MAPKAP1: variants seen among roughly 807,000 people sequenced by gnomAD.
MAPKAP1 encodes the protein MAPK associated protein 1, also known as target of rapamycin complex 2 subunit MAPKAP1.
MAPKAP1 carries 20 observed loss-of-function variants against 65.7 expected under a neutral mutation model. The observed-to-expected ratio is 0.30, with a 90% confidence interval of 0.21 to 0.44. MAPKAP1 has a LOEUF of 0.44. Ranked by LOEUF, MAPKAP1 falls within the 20% of genes least tolerant of loss-of-function variation. The pLI, the probability that MAPKAP1 is intolerant of heterozygous loss-of-function variation, is 1.00. For missense variants in MAPKAP1, 423 were observed against 648.0 expected (o/e 0.65, Z 3.77); for synonymous variants, 222 against 244.3 (o/e 0.91, Z 0.85).
intron 4 of MAPKAP1, chr9:125,650,588 GTC>G (rs1225535368): frequency 1.3e-5 from 2 of 152,174 alleles, no homozygotes; most frequent in African/African-American, 4.8e-5. Flanking sequence ...CATGGCAAGA[GTC>G]TGCCTTCCTT....
Position 125,586,985 on chromosome 9 carries a change from T to C in MAPKAP1, c.499-1258A>G, listed in dbSNP as rs1033879290. 2.6e-5 allele frequency among the ~76,000 whole-genome samples: 4 copies of C among 152,236 alleles called. No homozygotes were observed. In the East Asian group the frequency reaches 5.8e-4, roughly 22 times the overall value. On this transcript the variant is annotated intron_variant, in intron 4 of 11. Coordinates refer to ENST00000265960, the MANE Select transcript of MAPKAP1 (RefSeq NM_001006617.3). ...CATTAGGAAGTTCTAATGTCTCTAC[T>C]TCAAAAATACATTTCAATGGGGAAC... is the stretch of plus-strand genomic sequence containing the variant.
chr9:125,605,544 G>T (rs1315885325), intron 4 of MAPKAP1, among the ~76,000 whole-genome samples: 2 of 152,124 alleles, frequency 1.3e-5, no homozygotes, highest in African/African-American at 4.8e-5. Flanking sequence ...GCATTCACTG[G>T]TATTACTGCC....
At chr9:125,647,960 A>G (rs1278115362) in intron 4 of MAPKAP1, among the ~76,000 whole-genome samples, 2 of 149,898 alleles carry the variant, frequency 1.3e-5, no homozygotes, top group African/African-American at 4.9e-5. Context: ...TTTACATGTA[A>G]GGAAGTTAAG....
At chr9:125,661,722 T>C (rs951739462) in intron 3 of MAPKAP1, among the ~76,000 whole-genome samples, 1 of 152,186 alleles carries the variant, frequency 6.6e-6, no homozygotes, top group African/African-American at 2.4e-5. Context: ...TTATCTTGCT[T>C]TATGTTTCTG....
chr9:125,468,252 C>T, intron 9 of MAPKAP1, 143 bp from the exon 10 acceptor site: 3 of 760,896 alleles, frequency 3.9e-6, no homozygotes, highest in East Asian at 2.8e-5. Context: ...ATGCCACGGG[C>T]TTCCTGAGAC....
intron 5 of MAPKAP1, among the ~76,000 whole-genome samples, chr9:125,563,212 G>A (rs1310892657): frequency 6.6e-6 from 1 of 152,150 alleles, no homozygotes; most frequent in Non-Finnish European, 1.5e-5. Flanking sequence ...GAAATGGGGA[G>A]AGAAAAGAAA....
At chr9:125,622,501 A>C (rs900786724) in intron 4 of MAPKAP1, among the ~76,000 whole-genome samples, 19 of 152,068 alleles carry the variant, frequency 1.2e-4, no homozygotes, top group Admixed American at 1.2e-3. Context: ...GCTGGAGTGC[A>C]GTGGCGTGAT....
chr9:125,621,696 G>A (rs1321112879), intron 4 of MAPKAP1, among the ~76,000 whole-genome samples: 6 of 152,166 alleles, frequency 3.9e-5, no homozygotes, highest in Non-Finnish European at 8.8e-5. Flanking sequence ...ACTGAAGGCT[G>A]CTTTAGATAT....
chr9:125,601,098 A>T (rs1207541077), intron 4 of MAPKAP1, among the ~76,000 whole-genome samples: 1 of 152,236 alleles, frequency 6.6e-6, no homozygotes, highest in East Asian at 1.9e-4. Flanking sequence ...TTTAATATCA[A>T]CTCTTAAAAT....
At chr9:125,624,464 G>T (rs1239409712) in intron 4 of MAPKAP1, among the ~76,000 whole-genome samples, 4 of 110,644 alleles carry the variant, frequency 3.6e-5, no homozygotes, top group African/African-American at 1.3e-4. Flanking sequence ...CCGGCCAGCC[G>T]CCCCGTCCGG....
At chr9:125,617,233 A>G (rs988922215) in intron 4 of MAPKAP1, among the ~76,000 whole-genome samples, 28 of 152,218 alleles carry the variant, frequency 1.8e-4, no homozygotes, top group African/African-American at 6.3e-4. Flanking sequence ...GATGAGACAG[A>G]AGGATCGCTT....
intron 11 of MAPKAP1, among the ~76,000 whole-genome samples, chr9:125,440,289 G>A (rs1401121963): frequency 2.0e-5 from 3 of 152,236 alleles, no homozygotes; most frequent in Admixed American, 6.5e-5. Flanking sequence ...AGGAAGTCAA[G>A]GCCAATGACA....
intron 4 of MAPKAP1, among the ~76,000 whole-genome samples, chr9:125,631,924 A>G (rs531822055): frequency 1.3e-5 from 2 of 152,260 alleles, no homozygotes; most frequent in South Asian, 4.1e-4. Flanking sequence ...TCCTCTAAGA[A>G]ACTCACCATA....
chr9:125,521,481 A>T (rs1462102793), intron 7 of MAPKAP1: 4 of 1,246,616 alleles, frequency 3.2e-6, no homozygotes, highest in Non-Finnish European at 2.0e-6. Flanking sequence ...TGTGGAAATA[A>T]ACAGTCATTT....
At chr9:125,441,894 G>T (rs537583151) in intron 11 of MAPKAP1, among the ~76,000 whole-genome samples, 4 of 152,104 alleles carry the variant, frequency 2.6e-5, no homozygotes, top group Non-Finnish European at 5.9e-5. Context: ...TTGGGAGGCT[G>T]AGGTGGGCAG....
chr9:125,667,828 G>A (rs1834384686), intron 3 of MAPKAP1, among the ~76,000 whole-genome samples: 2 of 152,172 alleles, frequency 1.3e-5, no homozygotes, highest in Non-Finnish European at 2.9e-5. Flanking sequence ...TGATCAAGAA[G>A]AGATTAATAA....
intron 3 of MAPKAP1, among the ~76,000 whole-genome samples, chr9:125,658,706 C>G (rs1013835677): frequency 2.0e-5 from 3 of 152,106 alleles, no homozygotes; most frequent in African/African-American, 7.2e-5. Flanking sequence ...CATTAGTGAA[C>G]CAAGACAAGT....
intron 9 of MAPKAP1, among the ~76,000 whole-genome samples, chr9:125,480,563 CT>C (rs1854269701): frequency 6.6e-6 from 1 of 152,200 alleles, no homozygotes; most frequent in Admixed American, 6.5e-5. Context: ...GAGCCACCCC[CT>C]GATCTAAGTG....
intron 9 of MAPKAP1, among the ~76,000 whole-genome samples, chr9:125,483,710 T>C (rs999138099): frequency 2.0e-5 from 3 of 152,186 alleles, no homozygotes; most frequent in Admixed American, 6.5e-5. Context: ...AACCACTGTG[T>C]GAGTTGGGCA....
Sources: allele counts gnomAD v4.1 joint callset (sites outside exome capture counted in the v4.1 genomes callset), GRCh38; gene constraint gnomAD v4.1.1; transcripts MANE v1.5; gene names NCBI Gene and HGNC (gene_info 2026-07-23, HGNC 2026-07-21).